The following ZMYND8 variants were observed in gnomAD, a reference collection of about 807,000 sequenced individuals.
The protein encoded by ZMYND8 is MYND-type zinc finger-containing chromatin reader ZMYND8.
Under a neutral mutation model 140.8 loss-of-function variants are expected in ZMYND8, and 37 were observed. That is an observed-to-expected ratio of 0.26 (90% CI 0.20 to 0.35). The LOEUF is 0.35. Among genes scored for constraint, ZMYND8 ranks in the 10% least tolerant of loss-of-function variants. ZMYND8 has a pLI of 1.00. For synonymous variants in ZMYND8, 592 were observed against 597.1 expected (o/e 0.99, Z 0.12); for missense variants, 1,068 against 1,570.0 (o/e 0.68, Z 5.40).
intron 2 of ZMYND8, among the ~76,000 whole-genome samples, chr20:47,327,626 A>G (rs1428456961): frequency 6.6e-6 from 1 of 152,112 alleles, no homozygotes; most frequent in African/African-American, 2.4e-5. Context: ...ACTGCACTTC[A>G]GCCTGCGCGG....
Position 47,347,717 on chromosome 20 carries a change from A to G in ZMYND8, c.85+139T>C, listed in dbSNP as rs2082445217. ...CTCCATCAATTAGGTTCATCCATCAAAAAATCTTATATCTGAAAATCCAAG... is the reference window on the plus strand; with the variant it reads ...CTCCATCAATTAGGTTCATCCATCAGAAAATCTTATATCTGAAAATCCAAG... On this transcript the variant is annotated intron_variant, in intron 2 of 22. Transcript: ENST00000471951. The G allele has an allele frequency of 4.7e-6, 4 of 849,638 alleles. No individual in the cohort carries two copies. The South Asian group carries it at 6.6e-5, about 14-fold the overall frequency. The allele number at this position is 849,638 out of a possible 1,614,324, so 52.6% of individuals were successfully genotyped here. A position where few individuals can be genotyped will look rare whatever the true frequency, so the allele number is the denominator to read the frequency against.
intron 2 of ZMYND8, among the ~76,000 whole-genome samples, chr20:47,324,377 G>C (rs1423318757): frequency 6.6e-6 from 1 of 151,804 alleles, no homozygotes; most frequent in Non-Finnish European, 1.5e-5. Context: ...AAATTAGCCA[G>C]GCATGGTGGC....
chr20:47,298,920 A>G lies in ZMYND8; in HGVS notation c.262T>C (p.Tyr88His). 6.2e-7 allele frequency: 1 copy of G among 1,614,226 alleles called. No homozygotes were observed. Among genetic ancestry groups the G allele is most frequent in the South Asian group, 1.1e-5 (1 of 91,088 alleles). The part of the protein sequence containing the change: ...QSELRHGPFY[Y>H]MKQPLTTDPV... ...TCTGTGGTGAGTGGCTGCTTCATATAGTAAAACGGACCATGTCTTAGTTCT... is the reference window on the plus strand; with the variant it reads ...TCTGTGGTGAGTGGCTGCTTCATATGGTAAAACGGACCATGTCTTAGTTCT... The change falls in exon 4 of 23, where the codon TAT (tyrosine) becomes CAT (histidine). Residue 88 changes from tyrosine to histidine, a missense_variant. By Grantham distance (83) the Tyr-to-His change is moderately conservative. Coordinates refer to ENST00000471951, the MANE Select transcript of ZMYND8 (RefSeq NM_001281775.3). This position sits in a 1 kb window ranked among gnomAD's most constrained non-coding sequence, Gnocchi z 5.0.
intron 18 of ZMYND8, among the ~76,000 whole-genome samples, chr20:47,226,741 C>G (rs745484559): frequency 3.9e-5 from 6 of 152,316 alleles, no homozygotes; most frequent in Non-Finnish European, 5.9e-5. Flanking sequence ...TGCACTGCAG[C>G]CTTAACTTCT....
At chr20:47,256,757 G>A (rs534347576) in intron 12 of ZMYND8, among the ~76,000 whole-genome samples, 1 of 152,234 alleles carries the variant, frequency 6.6e-6, no homozygotes, top group East Asian at 1.9e-4. Flanking sequence ...TGCTCTCAAA[G>A]AAAGCCCGAC....
At chr20:47,238,594 A>G (rs979599861) in intron 15 of ZMYND8, 164 bp downstream of exon 15, 3 of 1,347,696 alleles carry the variant, frequency 2.2e-6, no homozygotes, top group Admixed American at 5.0e-5. Flanking sequence ...TAGCAAAACA[A>G]TTTTTAAAAA....
Position 47,270,697 on chromosome 20 carries a change from G to GA in ZMYND8, c.1480+5616dup, listed in dbSNP as rs34474269. On this transcript the variant is annotated intron_variant, in intron 11 of 22. Coordinates refer to ENST00000471951, the MANE Select transcript of ZMYND8 (RefSeq NM_001281775.3). ...GCAACATAGTGAGGACCCTGTCTCT[G>GA]AAAAAAAAAAAAAAAAAAAAAAGAA... Among the ~76,000 whole-genome samples, 684 of 86,534 alleles carry GA rather than the reference G, an allele frequency of 7.9e-3. 7 individuals carry two copies. Among genetic ancestry groups the GA allele is most frequent in the African/African-American group, 0.022 (453 of 20,928 alleles). 56.8% of individuals were successfully genotyped at this position (86,534 alleles called of 152,430 possible). A position where few individuals can be genotyped will look rare whatever the true frequency, so the allele number is the denominator to read the frequency against.
At chr20:47,216,518 A>AAAAAC in intron 21 of ZMYND8, among the ~76,000 whole-genome samples, 1 of 145,364 alleles carries the variant, frequency 6.9e-6, no homozygotes, top group African/African-American at 2.6e-5. Flanking sequence ...AAAAAAAAAA[A>AAAAAC]GGGCCGGGCT....
intron 21 of ZMYND8, among the ~76,000 whole-genome samples, chr20:47,213,100 C>T (rs1232679052): frequency 6.6e-6 from 1 of 152,070 alleles, no homozygotes; most frequent in African/African-American, 2.4e-5. Flanking sequence ...AAGGCAGCAC[C>T]CGAGAAAGCC....
intron 1 of ZMYND8, chr20:47,353,602 C>A (rs887780471): frequency 6.6e-6 from 1 of 152,180 alleles, no homozygotes; most frequent in Admixed American, 6.6e-5. Context: ...GAAAGTGAAT[C>A]CATCCTGGAG....
chr20:47,276,576 G>A lies in ZMYND8; in HGVS notation c.1218C>T (p.Ala406=), dbSNP rs375904065. The change falls in exon 11 of 23, where the codon GCC becomes GCT. Residue 406 remains alanine (A), a synonymous_variant. Transcript: ENST00000471951. ...QMLLDPTNPS[A]GTAKIDKQEK... is the part of the protein sequence containing the mutation. ...CCTGCTTGTCTATCTTGGCAGTGCC[G>A]GCGCTGGGGTTGGTGGGATCGAGCA... 1.3e-5 allele frequency: 21 copies of A among 1,613,728 alleles called. No individual in the cohort carries two copies. The highest frequency in any genetic ancestry group is 2.2e-5 in the South Asian group (2 of 91,078).
intron 2 of ZMYND8, among the ~76,000 whole-genome samples, chr20:47,313,718 G>A (rs919326369): frequency 6.6e-6 from 1 of 151,390 alleles, no homozygotes; most frequent in Non-Finnish European, 1.5e-5. Context: ...AATCATCTGA[G>A]GTCAGGAGTT....
intron 2 of ZMYND8, among the ~76,000 whole-genome samples, chr20:47,336,983 G>C (rs139821470): frequency 2.0e-5 from 3 of 151,366 alleles, no homozygotes; most frequent in African/African-American, 7.3e-5. Flanking sequence ...TGGAATACAG[G>C]TCATGGTTAA....
At chr20:47,340,497 A>T (rs1185967781) in intron 2 of ZMYND8, among the ~76,000 whole-genome samples, 1 of 143,218 alleles carries the variant, frequency 7.0e-6, no homozygotes, top group East Asian at 2.0e-4. Context: ...TCCATGTCTT[A>T]AAAAAAAAAA....
At chr20:47,350,741 A>G (rs1329096359) in intron 1 of ZMYND8, among the ~76,000 whole-genome samples, 1 of 152,228 alleles carries the variant, frequency 6.6e-6, no homozygotes, top group African/African-American at 2.4e-5. Context: ...ATTTCCTTCC[A>G]TATCTGCTAG....
At chr20:47,238,043 A>G (rs2039461456) in intron 15 of ZMYND8, 1 of 152,286 alleles carries the variant, frequency 6.6e-6, no homozygotes, top group African/African-American at 2.4e-5. Context: ...ACTTTTTCCA[A>G]AATAACTCCA....
intron 3 of ZMYND8, 43 bp downstream of exon 3, chr20:47,310,011 CCT>C: frequency 6.2e-7 from 1 of 1,612,956 alleles, no homozygotes; most frequent in Non-Finnish European, 8.5e-7. Context: ...TACTAGCTGG[CCT>C]CTGTCCCACC....
chr20:47,324,451 G>A (rs570365437), intron 2 of ZMYND8, among the ~76,000 whole-genome samples: 16 of 152,126 alleles, frequency 1.1e-4, no homozygotes, highest in East Asian at 5.8e-4. Flanking sequence ...CCTGGGAGGC[G>A]GAGGCTGTAG....
Position 47,282,356 on chromosome 20 carries a change from G to T in ZMYND8, c.883-139C>A, listed in dbSNP as rs540993160. On this transcript the variant is annotated intron_variant, in intron 9 of 22. Coordinates refer to ENST00000471951, the MANE Select transcript of ZMYND8 (RefSeq NM_001281775.3). The stretch of plus-strand genomic sequence containing the variant: ...AAAGAGTTTCAAGCAGGGTCGGCCT[G>T]TGTGGTATTCCCTAAAAGGTATGTG... The T allele has an allele frequency of 1.9e-4, 120 of 648,622 alleles. No homozygotes were observed. The African/African-American group carries it at 2.0e-3, about 11-fold the overall frequency. The allele number at this position is 648,622 out of a possible 1,614,324, so 40.2% of individuals were successfully genotyped here.
Sources: gnomAD v4.1 joint callset for allele counts (sites outside exome capture counted in the v4.1 genomes callset) on GRCh38, gnomAD v4.1.1 for gene constraint, Gnocchi (gnomAD v3.1) non-coding constraint, MANE v1.5 for transcripts, NCBI Gene and HGNC (gene_info 2026-07-23, HGNC 2026-07-21) for gene names.